The following NDUFA10 variants were observed in gnomAD, a reference collection of about 807,000 sequenced individuals.
NDUFA10 encodes NADH dehydrogenase [ubiquinone] 1 alpha subcomplex subunit 10, mitochondrial.
NDUFA10 carries 40 observed loss-of-function variants against 47.8 expected under a neutral mutation model. The ratio of observed to expected loss-of-function variants is 0.84; its 90% CI spans 0.65 to 1.09. The LOEUF is 1.09. Among genes scored for constraint, NDUFA10 ranks in the 50% least tolerant of loss-of-function variants. The probability of loss-of-function intolerance (pLI) is 0.00; values close to 1 mark genes in which losing one functional copy is unlikely to be tolerated. For synonymous variants in NDUFA10, 183 were observed against 172.2 expected, an observed-to-expected ratio of 1.06 and a Z score of -0.49; for missense variants, 413 against 451.1, an observed-to-expected ratio of 0.92 and a Z score of 0.76.
At chr2:240,020,296 G>C (rs1697567449) in intron 3 of NDUFA10, among the ~76,000 whole-genome samples, 2 of 152,176 alleles carry the variant, frequency 1.3e-5, no homozygotes, top group African/African-American at 4.8e-5. Flanking sequence ...AACGAAAGCA[G>C]CAAGCACTGC....
intron 9 of NDUFA10, among the ~76,000 whole-genome samples, chr2:239,966,828 T>C (rs1381822010): frequency 6.6e-6 from 1 of 150,904 alleles, no homozygotes; most frequent in Non-Finnish European, 1.5e-5. Flanking sequence ...TTTTGAATTT[T>C]ACAGCATGTG....
In NDUFA10 at chr2:239,990,305, C is replaced by T. The variant is rs555237555; in HGVS notation, c.891-123G>A. On this transcript the variant is annotated intron_variant, in intron 8 of 9. Coordinates refer to ENST00000252711, the MANE Select transcript of NDUFA10 (RefSeq NM_004544.4). ...TCTATATATCCCAATAAATGCTATTCGTTGCCAAGCAATCATCCCAGCAGC... is the reference window on the plus strand; with the variant it reads ...TCTATATATCCCAATAAATGCTATTTGTTGCCAAGCAATCATCCCAGCAGC... 29 of 769,464 alleles carry T rather than the reference C, an allele frequency of 3.8e-5. 1 individual carries two copies. Among genetic ancestry groups the T allele is most frequent in the South Asian group, 1.9e-4 (13 of 68,050 alleles). 47.7% of individuals were successfully genotyped at this position (769,464 alleles called of 1,614,324 possible). A position where few individuals can be genotyped will look rare whatever the true frequency, so the allele number is the denominator to read the frequency against.
chr2:239,904,217 C>T (rs1436070993), intron 4 of NDUFA10, among the ~76,000 whole-genome samples: 1 of 152,188 alleles, frequency 6.6e-6, no homozygotes, highest in Non-Finnish European at 1.5e-5. Context: ...GGCCCTGAAA[C>T]TTCGCCCCGT....
At chr2:240,003,525 A>G (rs1486745917) in intron 8 of NDUFA10, among the ~76,000 whole-genome samples, 1 of 152,224 alleles carries the variant, frequency 6.6e-6, no homozygotes, top group African/African-American at 2.4e-5. Context: ...ACTTAACACA[A>G]AAGGCAGATC....
At chr2:239,918,885 C>A (rs1693921282) in intron 4 of NDUFA10, among the ~76,000 whole-genome samples, 1 of 152,220 alleles carries the variant, frequency 6.6e-6, no homozygotes. Context: ...GGTCTGGGTC[C>A]AGCTGCCTCT....
At chr2:239,911,680 C>CGTGTGTGTGTGT (rs112686987) in intron 4 of NDUFA10, among the ~76,000 whole-genome samples, 3 of 149,734 alleles carry the variant, frequency 2.0e-5, no homozygotes, top group Non-Finnish European at 4.4e-5. Flanking sequence ...AGTGTGTGTG[C>CGTGTGTGTGTGT]GTGTGTGTGT....
intron 9 of NDUFA10, among the ~76,000 whole-genome samples, chr2:239,984,590 T>C (rs1197157326): frequency 2.0e-5 from 3 of 152,212 alleles, no homozygotes; most frequent in South Asian, 2.1e-4. Context: ...AACACAGTGA[T>C]TGAAAAACTG....
chr2:240,014,472 A>C (rs1697255129), intron 5 of NDUFA10: 6 of 486,328 alleles, frequency 1.2e-5, no homozygotes, highest in Middle Eastern at 5.8e-4. Context: ...CCAGCCTCCC[A>C]AGTTTAAACA....
intron 8 of NDUFA10, among the ~76,000 whole-genome samples, chr2:240,002,330 C>CAAAAAAA (rs61475593): frequency 1.2e-5 from 1 of 83,754 alleles, no homozygotes; most frequent in Non-Finnish European, 2.2e-5. Flanking sequence ...AACTCTGACT[C>CAAAAAAA]AAAAAAAAAA....
chr2:239,995,981 C>T (rs780311465), intron 8 of NDUFA10, among the ~76,000 whole-genome samples: 4 of 152,138 alleles, frequency 2.6e-5, no homozygotes, highest in African/African-American at 7.2e-5. Context: ...ACAAATCCAG[C>T]GCTGTTGGAA....
intron 4 of NDUFA10, among the ~76,000 whole-genome samples, chr2:239,895,623 T>C (rs955235232): frequency 6.6e-6 from 1 of 152,260 alleles, no homozygotes; most frequent in African/African-American, 2.4e-5. Context: ...TCAATTTTTA[T>C]GTTTTAGCTG....
At chr2:239,938,104 C>T (rs532454576) in intron 4 of NDUFA10, among the ~76,000 whole-genome samples, 94 of 152,322 alleles carry the variant, frequency 6.2e-4, no homozygotes, top group African/African-American at 2.0e-3. Flanking sequence ...GCCCAGTGCT[C>T]GGCCGCAACC....
chr2:239,942,247 C>T lies in NDUFA10; in HGVS notation c.295-46933G>A, dbSNP rs183330987. ...TTCCTCTAGGGCAGCGGTGTTCACGCGGTAGTGTGCGCTGCAATCACCTTG... is the reference window on the plus strand; with the variant it reads ...TTCCTCTAGGGCAGCGGTGTTCACGTGGTAGTGTGCGCTGCAATCACCTTG... On this transcript the variant is annotated intron_variant, in intron 4 of 5. Transcript: ENST00000419408. Among the ~76,000 whole-genome samples the T allele has an allele frequency of 6.6e-5, 10 of 152,360 alleles. No individual in the cohort carries two copies. In the East Asian group the frequency reaches 1.5e-3, roughly 24 times the overall value.
intron 9 of NDUFA10, among the ~76,000 whole-genome samples, chr2:239,964,304 C>T (rs1367132915): frequency 6.6e-6 from 1 of 152,130 alleles, no homozygotes; most frequent in Non-Finnish European, 1.5e-5. Context: ...AAGCAACAGC[C>T]ACAGTAATGT....
At chr2:239,955,810 C>A (rs1694641172), downstream of NDUFA10, among the ~76,000 whole-genome samples, 1 of 152,152 alleles carries the variant, frequency 6.6e-6, no homozygotes, top group African/African-American at 2.4e-5. Context: ...GACTCTGGCT[C>A]AGGACCCTGA....
rs55998047 is a variant in NDUFA10, at chr2:239,959,889, G to C, written c.*1229C>G. ...GCAGGCGGACGCAAGGAGGGAAGGAGTGTGCATCTTCTTCGCATGCTCCGC... is the reference window on the plus strand; with the variant it reads ...GCAGGCGGACGCAAGGAGGGAAGGACTGTGCATCTTCTTCGCATGCTCCGC... On this transcript the variant is annotated 3_prime_UTR_variant, in exon 10 of 10. Transcript: ENST00000252711. The C allele has an allele frequency of 0.13, 127,594 of 984,846 alleles. 9,024 individuals are homozygous for C. The highest frequency in any genetic ancestry group is 0.25 in the African/African-American group (14,513 of 57,252). 61.0% of individuals were successfully genotyped at this position (984,846 alleles called of 1,614,324 possible).
intron 8 of NDUFA10, among the ~76,000 whole-genome samples, chr2:239,993,034 A>G (rs1696317215): frequency 6.6e-6 from 1 of 152,204 alleles, no homozygotes; most frequent in Admixed American, 6.5e-5. Context: ...ATCTTTGGGG[A>G]GGAAGAAAGG....
chr2:240,012,511 A>C (rs188132383), intron 5 of NDUFA10: 1 of 152,216 alleles, frequency 6.6e-6, no homozygotes, highest in Non-Finnish European at 1.5e-5. Context: ...GGAAGAAAGA[A>C]ATGAATAGGC....
rs74002073 is a variant in NDUFA10 at position 239,984,846 on chromosome 2, G to A, written c.999+5228C>T. 7.0e-3 allele frequency among the ~76,000 whole-genome samples: 1,072 copies of A among 152,350 alleles called. 14 individuals are homozygous for A. Among genetic ancestry groups the A allele is most frequent in the African/African-American group, 0.025 (1,039 of 41,582 alleles). On this transcript the variant is annotated intron_variant, in intron 9 of 9. Coordinates refer to ENST00000252711, the MANE Select transcript of NDUFA10 (RefSeq NM_004544.4). ...AGCCGGGGGGCTGAGAAGCCCGGCAGAGCTTTCAGCAGCAGGAGTGCACTG... is the reference window on the plus strand; with the variant it reads ...AGCCGGGGGGCTGAGAAGCCCGGCAAAGCTTTCAGCAGCAGGAGTGCACTG...
Sources: allele counts gnomAD v4.1 joint callset (sites outside exome capture counted in the v4.1 genomes callset), GRCh38; gene constraint gnomAD v4.1.1; transcripts MANE v1.5; gene names NCBI Gene and HGNC (gene_info 2026-07-23, HGNC 2026-07-21).